ATXN2: variants seen among roughly 807,000 people sequenced by gnomAD.
The protein encoded by ATXN2 is ataxin-2.
Under a neutral mutation model 138.6 loss-of-function variants are expected in ATXN2, and 37 were observed. The ratio of observed to expected loss-of-function variants is 0.27; its 90% confidence interval spans 0.21 to 0.35. ATXN2 has a LOEUF of 0.35. ATXN2 is among the 10% of genes least tolerant of loss of function. The pLI is 1.00. For missense variants in ATXN2, 1,216 were observed against 1,480.3 expected, an observed-to-expected ratio of 0.82 and a Z score of 2.93; for synonymous variants, 549 against 543.7, an observed-to-expected ratio of 1.01 and a Z score of -0.13.
At chr12:111,535,723 G>A (rs909977776) in intron 5 of ATXN2, among the ~76,000 whole-genome samples, 31 of 151,954 alleles carry the variant, frequency 2.0e-4, no homozygotes, top group South Asian at 8.3e-4. Flanking sequence ...GAAATAGGCC[G>A]GGCGCGGTGG....
rs796565403 is a variant in ATXN2, at chr12:111,510,493, G to A, written c.1648C>T (p.Pro550Ser). Residue 550 changes from proline (P) to serine (S), a missense_variant, in exon 12 of 25, where the codon CCC (proline) becomes TCC (serine). Pro to Ser is a moderately conservative substitution (Grantham distance 74). Transcript: ENST00000673436. ...TCAGTTGGAATAATACCAGCTTGGG[G>A]AGAAGCAAGAACTGGCCCACTGGGG... ...NTPSGPVLAS[P>S]QAGIIPTEAV... 3 of 1,614,182 alleles carry A rather than the reference G, an allele frequency of 1.9e-6. No individual in the cohort carries two copies. The highest frequency in any genetic ancestry group is 2.2e-5 in the East Asian group (1 of 44,882).
At chr12:111,558,589 G>A (rs572346722) in intron 1 of ATXN2, among the ~76,000 whole-genome samples, 5 of 152,154 alleles carry the variant, frequency 3.3e-5, no homozygotes, top group East Asian at 3.9e-4. Flanking sequence ...CTTGAGTGCC[G>A]GAGTTTGAGA....
intron 1 of ATXN2, among the ~76,000 whole-genome samples, chr12:111,573,810 A>G (rs1883472186): frequency 1.3e-5 from 2 of 151,742 alleles, no homozygotes; most frequent in South Asian, 4.1e-4. Context: ...CATAACATTT[A>G]TTACCTAAAT....
chr12:111,520,830 A>C, intron 7 of ATXN2, 52 bp downstream of exon 7: 1 of 1,033,390 alleles, frequency 9.7e-7, no homozygotes, highest in Non-Finnish European at 1.4e-6. Context: ...AATTAAGCTG[A>C]TGAAAATCAA....
At chr12:111,592,077 C>CAAA (rs113031934) in intron 1 of ATXN2, among the ~76,000 whole-genome samples, 9 of 118,958 alleles carry the variant, frequency 7.6e-5, no homozygotes, top group Admixed American at 2.8e-4. Flanking sequence ...AAAACTGTCT[C>CAAA]AAAAAAAAAA....
chr12:111,469,873 A>G (rs1283144500), intron 20 of ATXN2: 1 of 492,970 alleles, frequency 2.0e-6, no homozygotes, highest in African/African-American at 1.9e-5. Context: ...CATTATATAC[A>G]TCATTACATT....
chr12:111,569,425 G>T (rs954511107), intron 1 of ATXN2, among the ~76,000 whole-genome samples: 1 of 152,054 alleles, frequency 6.6e-6, no homozygotes, highest in African/African-American at 2.4e-5. Context: ...GCATACACTA[G>T]AGTAGTAAAG....
Position 111,568,118 on chromosome 12 carries a change from G to A in ATXN2, c.252-12199C>T, listed in dbSNP as rs181393783. Among the ~76,000 whole-genome samples the A allele has an allele frequency of 6.6e-3, 1,008 of 151,844 alleles. 9 individuals are homozygous for A. Among genetic ancestry groups the A allele is most frequent in the Non-Finnish European group, 0.011 (769 of 67,926 alleles). On this transcript the variant is annotated intron_variant, in intron 1 of 24. Transcript: ENST00000673436. ...TCAAATAAAAATACAAAAATTAGCC[G>A]GGCGTGGTGGCACATGCCTGTAATC...
chr12:111,597,808 C>A, intron 1 of ATXN2: 1 of 1,241,408 alleles, frequency 8.1e-7, no homozygotes, highest in Non-Finnish European at 1.1e-6. Context: ...CCTAGCATTT[C>A]CGAAATTGGG....
chr12:111,558,141 A>G (rs1425037386), intron 1 of ATXN2, among the ~76,000 whole-genome samples: 1 of 152,266 alleles, frequency 6.6e-6, no homozygotes, highest in African/African-American at 2.4e-5. Context: ...AGTAAAGTGC[A>G]GAAACCACTA....
At chr12:111,517,008 T>C (rs1879895169) in intron 9 of ATXN2, among the ~76,000 whole-genome samples, 1 of 152,164 alleles carries the variant, frequency 6.6e-6, no homozygotes, top group Admixed American at 6.6e-5. Flanking sequence ...AAAAAAAGTC[T>C]TGACCTCATT....
chr12:111,484,156 T>C (rs1877469471), intron 18 of ATXN2, among the ~76,000 whole-genome samples: 1 of 152,206 alleles, frequency 6.6e-6, no homozygotes, highest in Non-Finnish European at 1.5e-5. Context: ...AAATTCTGGC[T>C]TTGGGGAAAT....
At chr12:111,499,603 G>A (rs769820670) in intron 14 of ATXN2, among the ~76,000 whole-genome samples, 7 of 151,886 alleles carry the variant, frequency 4.6e-5, no homozygotes, top group Non-Finnish European at 1.0e-4. Context: ...GAATCCGGGA[G>A]GTGTAGGGCG....
At chr12:111,556,263 T>C (rs1286471912) in intron 1 of ATXN2, among the ~76,000 whole-genome samples, 3 of 152,224 alleles carry the variant, frequency 2.0e-5, no homozygotes, top group African/African-American at 7.2e-5. Flanking sequence ...CCTCTAGTCC[T>C]AGCTACTCAG....
chr12:111,585,313 G>C (rs1232651485), intron 1 of ATXN2, among the ~76,000 whole-genome samples: 1 of 151,952 alleles, frequency 6.6e-6, no homozygotes, highest in East Asian at 1.9e-4. Context: ...AGGAGTTCAA[G>C]ACCGGCCTGG....
At chr12:111,566,788 C>T (rs1196176517) in intron 1 of ATXN2, among the ~76,000 whole-genome samples, 1 of 152,084 alleles carries the variant, frequency 6.6e-6, no homozygotes, top group Non-Finnish European at 1.5e-5. Flanking sequence ...AGGCGCCCGC[C>T]ACCACATCCC....
chr12:111,563,981 T>C (rs760899064), intron 1 of ATXN2, among the ~76,000 whole-genome samples: 1 of 152,190 alleles, frequency 6.6e-6, no homozygotes, highest in Non-Finnish European at 1.5e-5. Flanking sequence ...CATATTATGC[T>C]TCTGTGAAAA....
In ATXN2 at chr12:111,453,068, TTGTTCA is replaced by T; in HGVS notation, c.3440-234_3440-229del. On this transcript the variant is annotated intron_variant, in intron 24 of 24. Coordinates refer to ENST00000673436, the MANE Select transcript of ATXN2 (RefSeq NM_001372574.1). This position sits in a 1 kb window ranked among gnomAD's most constrained non-coding sequence, Gnocchi z 5.4. ...ACTTCAGATAAAACTCCCAGAAGACTTGTTCATGGGGTAGAAAAAAAGGCCTTAACA... is the reference window on the plus strand; with the variant it reads ...ACTTCAGATAAAACTCCCAGAAGACTTGGGGTAGAAAAAAAGGCCTTAACA... 2 of 1,292,256 alleles carry T rather than the reference TTGTTCA, an allele frequency of 1.5e-6. No individual in the cohort carries two copies. Among genetic ancestry groups the T allele is most frequent in the Non-Finnish European group, 2.0e-6 (2 of 1,022,292 alleles). 80.0% of individuals were successfully genotyped at this position (1,292,256 alleles called of 1,614,324 possible).
At chr12:111,472,216 G>A (rs12299245) in intron 18 of ATXN2, among the ~76,000 whole-genome samples, 15,589 of 152,156 alleles carry the variant, frequency 0.1, 2,667 homozygotes, top group African/African-American at 0.35. Flanking sequence ...GCGGTAAGCC[G>A]TAACTGCACC....
Sources: allele counts gnomAD v4.1 joint callset (sites outside exome capture counted in the v4.1 genomes callset), GRCh38; gene constraint gnomAD v4.1.1; non-coding constraint Gnocchi (gnomAD v3.1); transcripts MANE v1.5; gene names NCBI Gene and HGNC (gene_info 2026-07-23, HGNC 2026-07-21).